The following PATJ variants were observed in gnomAD, a reference collection of about 807,000 sequenced individuals.
The protein encoded by PATJ is inaD-like protein.
In PATJ, 190 loss-of-function variants were observed where a neutral mutation model predicts 224.9. That is an observed-to-expected ratio of 0.84 (90% CI 0.75 to 0.95). The LOEUF (loss-of-function observed/expected upper bound fraction) is 0.95. Ranked by LOEUF, PATJ falls within the 40% of genes least tolerant of loss-of-function variation. The probability of loss-of-function intolerance (pLI) is 0.00; values close to 1 mark genes in which losing one functional copy is unlikely to be tolerated. For missense variants in PATJ, 2,121 were observed against 2,270.3 expected, an observed-to-expected ratio of 0.93 and a Z score of 1.34; for synonymous variants, 769 against 820.3, an observed-to-expected ratio of 0.94 and a Z score of 1.07.
At position 61,882,614 on chromosome 1, in the gene PATJ, G is replaced by T. The variant is rs1273769611; in HGVS notation, c.2960-1623G>T. On this transcript the variant is annotated intron_variant, in intron 21 of 43. Coordinates refer to ENST00000642238, the MANE Select transcript of PATJ (RefSeq NM_001350145.3). ...CTTTTGTTTTTGTTTTTGATACAAG[G>T]TCTCACTCTGTTGCCCAGGCTAGAG... Among the ~76,000 whole-genome samples, 7 of 152,042 alleles carry T rather than the reference G, an allele frequency of 4.6e-5. No homozygotes were observed. In the East Asian group the frequency reaches 1.4e-3, roughly 29 times the overall value.
chr1:62,128,987 A>T, intron 41 of PATJ, 42 bp downstream of exon 41: 2 of 1,339,960 alleles, frequency 1.5e-6, no homozygotes, highest in Non-Finnish European at 1.1e-6. Context: ...AAGGCAGATA[A>T]GTGGCATGCA....
At chr1:61,885,876 A>G (rs1668753178) in intron 22 of PATJ, among the ~76,000 whole-genome samples, 1 of 152,086 alleles carries the variant, frequency 6.6e-6, no homozygotes, top group African/African-American at 2.4e-5. Context: ...TGTCCTTTGT[A>G]GGGACATGGA....
chr1:62,047,024 C>A (rs1367138645), intron 30 of PATJ, among the ~76,000 whole-genome samples: 1 of 152,206 alleles, frequency 6.6e-6, no homozygotes, highest in East Asian at 1.9e-4. Flanking sequence ...AATATCTTAT[C>A]TTCAATATGC....
In PATJ at chr1:62,038,331, C is replaced by A. The variant is rs185924719; in HGVS notation, c.4032+282C>A. 2.1e-3 allele frequency: 456 copies of A among 216,930 alleles called. 1 individual carries two copies. Among genetic ancestry groups the A allele is most frequent in the Admixed American group, 3.9e-3 (68 of 17,598 alleles). The allele number at this position is 216,930 out of a possible 1,614,324, so 13.4% of individuals were successfully genotyped here. ...GCATTTCAGAATTTACAAGAAAATT[C>A]TCTTTGTTTATGACTGAATTGTACC... On this transcript the variant is annotated intron_variant, in intron 30 of 43. Coordinates refer to ENST00000642238, the MANE Select transcript of PATJ (RefSeq NM_001350145.3).
chr1:61,880,719 G>A (rs1263407371), intron 21 of PATJ, among the ~76,000 whole-genome samples: 1 of 152,194 alleles, frequency 6.6e-6, no homozygotes, highest in African/African-American at 2.4e-5. Flanking sequence ...TGAGCTTTCA[G>A]TCATACTTTA....
In PATJ at chr1:61,757,983, A is replaced by AT. The variant is rs966800089; in HGVS notation, c.-35-4866dup. Among the ~76,000 whole-genome samples, 39 of 151,354 alleles carry AT rather than the reference A, an allele frequency of 2.6e-4. No homozygotes were observed. In the South Asian group the frequency reaches 3.1e-3, roughly 12 times the overall value. ...TTCTTCTAGAAACCTACACACACACATTTTTTTTTCTTACAAACGTGAAAA... is the reference window on the plus strand; with the variant it reads ...TTCTTCTAGAAACCTACACACACACATTTTTTTTTTCTTACAAACGTGAAAA... On this transcript the variant is annotated intron_variant, in intron 1 of 43. Transcript: ENST00000642238.
At chr1:61,903,864 C>G (rs548647357) in intron 24 of PATJ, among the ~76,000 whole-genome samples, 1 of 151,706 alleles carries the variant, frequency 6.6e-6, no homozygotes, top group Non-Finnish European at 1.5e-5. Context: ...CCTCCACCTC[C>G]CAGGTTCAAG....
chr1:61,998,143 G>T (rs978975832), intron 28 of PATJ, among the ~76,000 whole-genome samples: 1 of 148,384 alleles, frequency 6.7e-6, no homozygotes, highest in African/African-American at 2.5e-5. Context: ...TCAGTGGCAT[G>T]ATCTCAGCTC....
Position 61,889,337 on chromosome 1 carries a change from C to A in PATJ, c.3131+4929C>A, listed in dbSNP as rs527523785. ...GACTGGTATTAAGAGGTCAGGTGCC[C>A]CTTGAAAGGAGAGATCTCTAGAAAG... On this transcript the variant is annotated intron_variant, in intron 22 of 43. Transcript: ENST00000642238. 2.0e-5 allele frequency among the ~76,000 whole-genome samples: 3 copies of A among 152,146 alleles called. No homozygotes were observed. In the East Asian group the frequency reaches 5.8e-4, roughly 29 times the overall value.
At chr1:61,886,373 T>C (rs1312635847) in intron 22 of PATJ, among the ~76,000 whole-genome samples, 1 of 152,198 alleles carries the variant, frequency 6.6e-6, no homozygotes, top group Non-Finnish European at 1.5e-5. Flanking sequence ...TCAATGTAGA[T>C]AAGACAAAGA....
At chr1:62,100,398 T>G in intron 33 of PATJ, 4 of 718,426 alleles carry the variant, frequency 5.6e-6, no homozygotes, top group Non-Finnish European at 7.8e-6. Context: ...GTGACAGAAG[T>G]TGAAGGGCAA....
chr1:61,835,226 G>T (rs1461508912), intron 17 of PATJ, among the ~76,000 whole-genome samples: 1 of 152,118 alleles, frequency 6.6e-6, no homozygotes, highest in Non-Finnish European at 1.5e-5. Context: ...TTAAGCATTT[G>T]CAAGTTTATA....
chr1:61,787,161 C>T (rs1648732576), intron 7 of PATJ, among the ~76,000 whole-genome samples: 1 of 152,150 alleles, frequency 6.6e-6, no homozygotes, highest in African/African-American at 2.4e-5. Flanking sequence ...AGCACAGAAG[C>T]TTGAATTATG....
chr1:61,945,125 C>A (rs1678466387), intron 27 of PATJ, among the ~76,000 whole-genome samples: 1 of 152,152 alleles, frequency 6.6e-6, no homozygotes, highest in African/African-American at 2.4e-5. Flanking sequence ...CAAAAACAAG[C>A]CAAATTGTAA....
At chr1:61,823,119 G>T (rs1346132809) in intron 15 of PATJ, 40 bp downstream of exon 15, 10 of 1,607,882 alleles carry the variant, frequency 6.2e-6, no homozygotes, top group Non-Finnish European at 8.5e-6. Flanking sequence ...GCAAGAATCT[G>T]TAAGTTTTAG....
chr1:61,864,349 T>C lies in PATJ; in HGVS notation c.2551T>C (p.Trp851Arg). 6.2e-7 allele frequency: 1 copy of C among 1,614,108 alleles called. No individual in the cohort carries two copies. Among genetic ancestry groups the C allele is most frequent in the East Asian group, 2.2e-5 (1 of 44,886 alleles). The change falls in exon 20 of 44, where the codon TGG (tryptophan) becomes CGG (arginine). Residue 851 changes from tryptophan (W) to arginine (R), a missense_variant. Physicochemically the swap from Trp to Arg is moderately radical, Grantham distance 101. Coordinates refer to ENST00000642238, the MANE Select transcript of PATJ (RefSeq NM_001350145.3). ...AGAGATAGAGCAAAGCAAGGAGGCC[T>C]GGGAGATGCATGAATTTCTGACTCC... ...QKEIEQSKEA[W>R]EMHEFLTPRL...
At chr1:61,905,493 C>T (rs1238752274) in intron 24 of PATJ, among the ~76,000 whole-genome samples, 1 of 152,180 alleles carries the variant, frequency 6.6e-6, no homozygotes, top group Non-Finnish European at 1.5e-5. Context: ...TAATCATTCA[C>T]CCATTGAAAG....
chr1:62,153,114 T>C (rs1228152330), intron 42 of PATJ, among the ~76,000 whole-genome samples: 2 of 152,214 alleles, frequency 1.3e-5, no homozygotes, highest in Admixed American at 1.3e-4. Context: ...TTATCTTTAA[T>C]TAGCAATCAG....
intron 12 of PATJ, among the ~76,000 whole-genome samples, chr1:61,804,506 A>G (rs1341574542): frequency 2.0e-5 from 3 of 152,176 alleles, no homozygotes; most frequent in South Asian, 2.1e-4. Flanking sequence ...GCAAGTTAAC[A>G]TTTGATTTTA....
Sources: gnomAD v4.1 joint callset for allele counts (sites outside exome capture counted in the v4.1 genomes callset) on GRCh38, gnomAD v4.1.1 for gene constraint, MANE v1.5 for transcripts, NCBI Gene and HGNC (gene_info 2026-07-23, HGNC 2026-07-21) for gene names.